The following SMCO2 variants were observed in gnomAD, a reference collection of about 807,000 sequenced individuals.
The protein encoded by SMCO2 is single-pass membrane protein with coiled-coil domains 2.
Under a neutral mutation model 29.5 loss-of-function variants are expected in SMCO2, and 25 were observed. That is an observed-to-expected ratio of 0.85 (90% CI 0.62 to 1.18). The LOEUF (loss-of-function observed/expected upper bound fraction) is 1.18. Among genes scored for constraint, SMCO2 ranks in the 50% most tolerant of loss-of-function variants. The pLI, the probability that SMCO2 is intolerant of heterozygous loss-of-function variation, is 0.00. For missense variants in SMCO2, 348 were observed against 344.5 expected (o/e 1.01, Z -0.08); for synonymous variants, 117 against 123.3 (o/e 0.95, Z 0.34).
the SMCO2 span, among the ~76,000 whole-genome samples, chr12:27,450,091 G>A: frequency 1.3e-5 from 2 of 152,202 alleles, no homozygotes; most frequent in Non-Finnish European, 2.9e-5. Context: ...GCCACATTCA[G>A]GAACACAGAG....
intron 4 of SMCO2, among the ~76,000 whole-genome samples, chr12:27,486,609 G>T (rs1308632483): frequency 6.6e-6 from 1 of 152,140 alleles, no homozygotes; most frequent in Non-Finnish European, 1.5e-5. Flanking sequence ...AATTTTTAAT[G>T]GATTTCCTTG....
At chr12:27,487,444 C>T (rs1949698190) in intron 4 of SMCO2, among the ~76,000 whole-genome samples, 1 of 151,996 alleles carries the variant, frequency 6.6e-6, no homozygotes, top group Non-Finnish European at 1.5e-5. Context: ...ATGATATGAA[C>T]CTATGCAGTG....
At chr12:27,475,478 A>G (rs1592206682) in intron 4 of SMCO2, 104 bp from the exon 5 acceptor site, 1 of 1,258,768 alleles carries the variant, frequency 7.9e-7, no homozygotes, top group East Asian at 3.0e-5. Context: ...GGTGACAAGG[A>G]AGACTAAACA....
the SMCO2 span, among the ~76,000 whole-genome samples, chr12:27,427,571 A>G: frequency 1.3e-5 from 2 of 152,200 alleles, no homozygotes; most frequent in African/African-American, 4.8e-5. Flanking sequence ...TTCTGATTAA[A>G]TACATTAAAA....
the SMCO2 span, among the ~76,000 whole-genome samples, chr12:27,430,214 T>A: frequency 1.2e-4 from 18 of 152,096 alleles, no homozygotes; most frequent in Admixed American, 3.9e-4. Context: ...GGGCAGGGAG[T>A]TGAATTAATG....
chr12:27,453,134 GT>G, the SMCO2 span, among the ~76,000 whole-genome samples: 1 of 152,182 alleles, frequency 6.6e-6, no homozygotes, highest in Non-Finnish European at 1.5e-5. Context: ...AAATTCTGGA[GT>G]TGAGCATCCA....
the SMCO2 span, among the ~76,000 whole-genome samples, chr12:27,428,558 CT>C: frequency 3.1e-4 from 44 of 143,256 alleles, no homozygotes; most frequent in East Asian, 8.6e-4. Flanking sequence ...TCTTGGCCAC[CT>C]TTTTTTTTTT....
At chr12:27,501,289 G>A (rs1275393051) in intron 7 of SMCO2, among the ~76,000 whole-genome samples, 5 of 148,232 alleles carry the variant, frequency 3.4e-5, no homozygotes, top group African/African-American at 1.3e-4. Flanking sequence ...GGTGGTGGGC[G>A]CCTGTAATCC....
In SMCO2 at chr12:27,494,212, T is replaced by C. The variant is rs1033657817; in HGVS notation, c.451-88T>C. On this transcript the variant is annotated intron_variant, in intron 5 of 7. Coordinates refer to ENST00000298876, the Ensembl canonical transcript of SMCO2. ...AAGTAAACTTCAATGAAGCATTTTA[T>C]AAGGTTTGTCAAAATAAGTGAGATT... 2.1e-5 allele frequency: 17 copies of C among 806,760 alleles called. No individual in the cohort carries two copies. The African/African-American group carries it at 3.1e-4, about 15-fold the overall frequency. 50.0% of individuals were successfully genotyped at this position (806,760 alleles called of 1,614,324 possible).
the SMCO2 span, among the ~76,000 whole-genome samples, chr12:27,427,663 G>A: frequency 6.6e-6 from 1 of 152,152 alleles, no homozygotes; most frequent in Non-Finnish European, 1.5e-5. Context: ...AGAGGGGAAG[G>A]GATGTGCAGA....
chr12:27,483,172 G>T (rs139786132), intron 4 of SMCO2, among the ~76,000 whole-genome samples: 168 of 152,212 alleles, frequency 1.1e-3, no homozygotes, highest in Middle Eastern at 0.01. Flanking sequence ...AGGTCAGGTT[G>T]GTTGATAGTG....
the SMCO2 span, among the ~76,000 whole-genome samples, chr12:27,425,683 C>G: frequency 6.6e-6 from 1 of 152,178 alleles, no homozygotes; most frequent in African/African-American, 2.4e-5. Context: ...AAGAGAGCCT[C>G]TCTATTTCCT....
the SMCO2 span, among the ~76,000 whole-genome samples, chr12:27,437,690 A>G: frequency 6.6e-6 from 1 of 152,112 alleles, no homozygotes; most frequent in Non-Finnish European, 1.5e-5. Context: ...ATCTATGCAC[A>G]GAGCTCTCCT....
At chr12:27,453,377 T>C in the SMCO2 span, among the ~76,000 whole-genome samples, 7 of 152,330 alleles carry the variant, frequency 4.6e-5, no homozygotes, top group Non-Finnish European at 1.0e-4. Flanking sequence ...GCTATTTCAG[T>C]GGCTGTGTCC....
intron 3 of SMCO2, 69 bp from the exon 4 acceptor site, chr12:27,474,717 G>A (rs1949569816): frequency 8.5e-6 from 13 of 1,532,044 alleles, no homozygotes; most frequent in Non-Finnish European, 1.1e-5. Flanking sequence ...GATTGGGTAG[G>A]GCTGGAAGAA....
intron 6 of SMCO2, 62 bp from the exon 8 acceptor site, chr12:27,495,618 T>C: frequency 7.3e-7 from 1 of 1,378,232 alleles, no homozygotes; most frequent in South Asian, 1.8e-5. Context: ...CAGCATTATC[T>C]ATAGTAAGAC....
At chr12:27,478,200 G>T (rs931845820) in intron 4 of SMCO2, among the ~76,000 whole-genome samples, 2 of 152,232 alleles carry the variant, frequency 1.3e-5, no homozygotes, top group African/African-American at 4.8e-5. Flanking sequence ...GTATCTGTAA[G>T]TTCATCAGTG....
Position 27,472,768 on chromosome 12 carries a change from G to C in SMCO2, c.135-8G>C. On this transcript the variant is annotated splice_polypyrimidine_tract_variant and splice_region_variant and intron_variant, in intron 2 of 7. Coordinates refer to ENST00000298876, the Ensembl canonical transcript of SMCO2. Reference sequence around the variant, plus strand: ...TAACAGCCTCTGTTTGGATTGTGTGGCTTGCAGTTTGCTAAAGGAAATTAT... The same window carrying C: ...TAACAGCCTCTGTTTGGATTGTGTGCCTTGCAGTTTGCTAAAGGAAATTAT... 6.5e-7 allele frequency: 1 copy of C among 1,549,188 alleles called. No homozygotes were observed. Among genetic ancestry groups the C allele is most frequent in the Middle Eastern group, 1.7e-4 (1 of 5,976 alleles).
chr12:27,492,658 CTA>C (rs933436920), intron 5 of SMCO2, among the ~76,000 whole-genome samples: 17 of 152,160 alleles, frequency 1.1e-4, no homozygotes, highest in African/African-American at 3.6e-4. Flanking sequence ...GTCAGAATGA[CTA>C]TTATTAAAAA....
Sources: allele counts gnomAD v4.1 joint callset (sites outside exome capture counted in the v4.1 genomes callset), GRCh38; gene constraint gnomAD v4.1.1; transcripts MANE v1.5; gene names NCBI Gene and HGNC (gene_info 2026-07-23, HGNC 2026-07-21).